The following CHRM3 variants were observed in gnomAD, a reference collection of about 807,000 sequenced individuals.
CHRM3 encodes the protein muscarinic acetylcholine receptor M3.
CHRM3 carries 11 observed loss-of-function variants against 41.8 expected under a neutral mutation model. The observed-to-expected ratio is 0.26, with a 90% CI of 0.17 to 0.44. The LOEUF (loss-of-function observed/expected upper bound fraction) is 0.44. CHRM3 is among the 20% of genes least tolerant of loss of function. The probability of loss-of-function intolerance (pLI) is 1.00; values close to 1 mark genes in which losing one functional copy is unlikely to be tolerated. For synonymous variants in CHRM3, 297 were observed against 301.4 expected (o/e 0.99, Z 0.15); for missense variants, 571 against 745.4 (o/e 0.77, Z 2.72).
At chr1:239,513,305 T>G (rs1023364624) in intron 2 of CHRM3, among the ~76,000 whole-genome samples, 2 of 152,192 alleles carry the variant, frequency 1.3e-5, no homozygotes, top group Admixed American at 6.5e-5. Context: ...TAATATCTTT[T>G]GTCAGTGCTT....
At chr1:239,874,316 T>TATATATATATATATATATATATATAG (rs1558199339) in intron 6 of CHRM3, among the ~76,000 whole-genome samples, 1 of 67,964 alleles carries the variant, frequency 1.5e-5, no homozygotes, top group South Asian at 5.4e-4. Context: ...TATATATATA[T>TATATATATATATATATATATATATAG]ATATATATAT....
chr1:239,411,313 G>A (rs994525479), intron 1 of CHRM3, among the ~76,000 whole-genome samples: 1 of 152,146 alleles, frequency 6.6e-6, no homozygotes, highest in African/African-American at 2.4e-5. Flanking sequence ...TTAAAGCATT[G>A]TGCCTTTCAC....
At chr1:239,885,083 T>C (rs1346073768) in intron 6 of CHRM3, among the ~76,000 whole-genome samples, 2 of 152,136 alleles carry the variant, frequency 1.3e-5, no homozygotes, top group African/African-American at 2.4e-5. Flanking sequence ...AAAGACTTTC[T>C]AGAGCTCATT....
At chr1:239,884,106 T>C (rs767345810) in intron 6 of CHRM3, among the ~76,000 whole-genome samples, 2 of 152,148 alleles carry the variant, frequency 1.3e-5, no homozygotes, top group Admixed American at 6.6e-5. Context: ...TGAATGATGG[T>C]CACCCAAAAA....
At chr1:239,696,974 C>A (rs1353817544) in intron 5 of CHRM3, among the ~76,000 whole-genome samples, 1 of 152,156 alleles carries the variant, frequency 6.6e-6, no homozygotes, top group Non-Finnish European at 1.5e-5. Flanking sequence ...AAGCTTATAA[C>A]ACAAGCTTAA....
chr1:239,489,679 G>T (rs1667432977), intron 1 of CHRM3, among the ~76,000 whole-genome samples: 1 of 152,066 alleles, frequency 6.6e-6, no homozygotes, highest in South Asian at 2.1e-4. Context: ...AATATCTTGG[G>T]GACATATATG....
chr1:239,525,362 T>C (rs1324256461), intron 2 of CHRM3, among the ~76,000 whole-genome samples: 1 of 152,174 alleles, frequency 6.6e-6, no homozygotes, highest in Non-Finnish European at 1.5e-5. Context: ...ATCCACGTGA[T>C]ATTTACTTCC....
chr1:239,592,241 C>G (rs1212442323), intron 3 of CHRM3, among the ~76,000 whole-genome samples: 3 of 152,208 alleles, frequency 2.0e-5, no homozygotes, highest in South Asian at 2.1e-4. Context: ...GAACTTTACT[C>G]TCAGAAATCT....
intron 1 of CHRM3, among the ~76,000 whole-genome samples, chr1:239,453,549 CT>C (rs1446502626): frequency 6.6e-6 from 1 of 152,130 alleles, no homozygotes; most frequent in Non-Finnish European, 1.5e-5. Flanking sequence ...AAACAAGATG[CT>C]GCCTCTTTGT....
At chr1:239,398,163 A>G (rs1226839858) in intron 1 of CHRM3, among the ~76,000 whole-genome samples, 1 of 152,204 alleles carries the variant, frequency 6.6e-6, no homozygotes, top group Admixed American at 6.5e-5. Context: ...AGTAGAATGT[A>G]AGACAATAAA....
chr1:239,467,911 C>G (rs149612766), intron 1 of CHRM3, among the ~76,000 whole-genome samples: 1 of 151,032 alleles, frequency 6.6e-6, no homozygotes, highest in African/African-American at 2.4e-5. Context: ...CCCCCCCCAA[C>G]GTTATTCCAA....
Position 239,915,432 on chromosome 1 carries a change from A to T in CHRM3, c.*6208A>T, listed in dbSNP as rs1361836902. ...CAAGTTAACAGTGAAATAAGTAAAT[A>T]AAACTATTATTGAACAAAGAGTGTG... is the stretch of plus-strand genomic sequence containing the variant. On this transcript the variant is annotated 3_prime_UTR_variant, in exon 7 of 7. Transcript: ENST00000676153. 6.0e-6 allele frequency: 1 copy of T among 167,106 alleles called. No homozygotes were observed. Among genetic ancestry groups the T allele is most frequent in the Non-Finnish European group, 1.5e-5 (1 of 68,112 alleles). 10.4% of individuals were successfully genotyped at this position (167,106 alleles called of 1,614,324 possible).
chr1:239,684,770 G>GAGAGAAAGAAAGAAAGAAAGAAAGAA (rs1658957862), intron 5 of CHRM3, among the ~76,000 whole-genome samples: 1 of 129,104 alleles, frequency 7.7e-6, no homozygotes, highest in Non-Finnish European at 1.7e-5. Context: ...AAGAAAGAAA[G>GAGAGAAAGAAAGAAAGAAAGAAAGAA]AGAAAGAGAA....
intron 3 of CHRM3, among the ~76,000 whole-genome samples, chr1:239,555,934 C>T (rs1432452175): frequency 1.3e-5 from 2 of 152,148 alleles, no homozygotes; most frequent in Non-Finnish European, 2.9e-5. Flanking sequence ...GTCAGTCATG[C>T]ACCGTGCTGA....
chr1:239,435,222 C>T (rs911491926), intron 1 of CHRM3, among the ~76,000 whole-genome samples: 2 of 152,060 alleles, frequency 1.3e-5, no homozygotes, highest in African/African-American at 2.4e-5. Context: ...GAGGCCAAGG[C>T]GGGCGGATCA....
intron 5 of CHRM3, among the ~76,000 whole-genome samples, chr1:239,765,078 G>A (rs1316318838): frequency 6.6e-6 from 1 of 152,196 alleles, no homozygotes; most frequent in Non-Finnish European, 1.5e-5. Context: ...GAGCCTCAGG[G>A]GTTATTAGTA....
intron 6 of CHRM3, among the ~76,000 whole-genome samples, chr1:239,894,795 T>C (rs1361198327): frequency 6.6e-6 from 1 of 151,954 alleles, no homozygotes; most frequent in African/African-American, 2.4e-5. Context: ...TTACCTCCTG[T>C]TTCATTGAAT....
intron 6 of CHRM3, among the ~76,000 whole-genome samples, chr1:239,888,379 G>T (rs1268677606): frequency 6.7e-6 from 1 of 149,668 alleles, no homozygotes; most frequent in Non-Finnish European, 1.5e-5. Context: ...AAAAAAAAAA[G>T]GAAAAAAGAA....
chr1:239,597,222 C>T (rs753219913), intron 3 of CHRM3, among the ~76,000 whole-genome samples: 1 of 151,992 alleles, frequency 6.6e-6, no homozygotes, highest in African/African-American at 2.4e-5. Context: ...ATGAACTGGG[C>T]ACCGGAGAAA....
Sources: gnomAD v4.1 joint callset for allele counts (sites outside exome capture counted in the v4.1 genomes callset) on GRCh38, gnomAD v4.1.1 for gene constraint, MANE v1.5 for transcripts, NCBI Gene and HGNC (gene_info 2026-07-23, HGNC 2026-07-21) for gene names.